Variants in PGR observed in about 807,000 individuals in gnomAD.
PGR encodes the protein progesterone receptor.
A neutral mutation model predicts 76.1 loss-of-function variants in PGR; 25 were observed. The ratio of observed to expected loss-of-function variants is 0.33; its 90% CI spans 0.24 to 0.46. The LOEUF is 0.46. Ranked by LOEUF, PGR falls within the 20% of genes least tolerant of loss-of-function variation. The pLI is 1.00. For missense variants in PGR, 1,172 were observed against 1,225.3 expected (o/e 0.96, Z 0.65); for synonymous variants, 579 against 535.0 (o/e 1.08, Z -1.14).
intron 2 of PGR, among the ~76,000 whole-genome samples, chr11:101,100,882 T>C (rs1396108026): frequency 2.6e-5 from 4 of 152,136 alleles, no homozygotes; most frequent in African/African-American, 7.2e-5. Flanking sequence ...AATAGGTCAA[T>C]AGTGTGAGGT....
In PGR at chr11:101,129,134, G is replaced by T; in HGVS notation, c.-64C>A. 7.2e-7 allele frequency: 1 copy of T among 1,391,608 alleles called. No homozygotes were observed. 86.2% of individuals were successfully genotyped at this position (1,391,608 alleles called of 1,614,324 possible). A position where few individuals can be genotyped will look rare whatever the true frequency, so the allele number is the denominator to read the frequency against. On this transcript the variant is annotated 5_prime_UTR_variant, in exon 1 of 8. Transcript: ENST00000325455. ...GAGGAGGGAAAAGGGAAGGAGGAGG[G>T]GGTTTCGGGAATATAGGGGCAGAGG... is the stretch of plus-strand genomic sequence containing the variant.
rs1860539154 is a variant in PGR, at chr11:101,062,526, G to A, written c.2133C>T (p.Ser711=). The change falls in exon 4 of 8, where the codon TCC becomes TCT. Residue 711 remains serine, a synonymous_variant. Transcript: ENST00000325455. ...GATTAAGACTTGTCAGCAAAGAACT[G>A]GAGGTGTCAGGTTTTGTGTTGTCAT... The part of the protein sequence containing the change: ...AGHDNTKPDT[S]SSLLTSLNQL... 1.2e-6 allele frequency: 2 copies of A among 1,613,826 alleles called. No homozygotes were observed. Among genetic ancestry groups the A allele is most frequent in the Non-Finnish European group, 1.7e-6 (2 of 1,179,894 alleles).
chr11:101,049,856 T>C (rs1221866375), intron 6 of PGR, 73 bp downstream of exon 6: 1 of 1,244,328 alleles, frequency 8.0e-7, no homozygotes, highest in African/African-American at 1.5e-5. Context: ...AACTATATAA[T>C]CATATTGTTT....
Position 101,128,977 on chromosome 11 carries a change from C to A in PGR, c.94G>T (p.Ala32Ser). 1 of 1,599,856 alleles carries A rather than the reference C, an allele frequency of 6.3e-7. No individual in the cohort carries two copies. Among genetic ancestry groups the A allele is most frequent in the Non-Finnish European group, 8.5e-7 (1 of 1,172,446 alleles). ...EVGSPLLCRP[A>S]AGPFPGSQTS... ...TGGCTCCCCGGGAACGGACCTGCGG[C>A]TGGGCGACACAGCAGTGGGGATCCG... The change falls in exon 1 of 8, where the codon GCC (alanine) becomes TCC (serine). Residue 32 changes from alanine to serine, a missense_variant. Transcript: ENST00000325455.
chr11:101,106,487 G>C (rs1001761821), intron 2 of PGR, among the ~76,000 whole-genome samples: 1 of 152,182 alleles, frequency 6.6e-6, no homozygotes, highest in African/African-American at 2.4e-5. Context: ...CTAGTCATTA[G>C]AGAAATGCAA....
At position 101,038,688 on chromosome 11, in the gene PGR, G is replaced by A; in HGVS notation, c.*428C>T. 4.3e-6 allele frequency: 1 copy of A among 232,322 alleles called. No individual in the cohort carries two copies. Among genetic ancestry groups the A allele is most frequent in the Non-Finnish European group, 8.5e-6 (1 of 117,720 alleles). 14.4% of individuals were successfully genotyped at this position (232,322 alleles called of 1,614,324 possible). ...ACAAAATTTTGCATACCATTTTAAA[G>A]GTTCATTTTTGGAAATATAATTGAC... On this transcript the variant is annotated 3_prime_UTR_variant, in exon 8 of 8. Coordinates refer to ENST00000325455, the MANE Select transcript of PGR (RefSeq NM_000926.4).
intron 3 of PGR, among the ~76,000 whole-genome samples, chr11:101,070,646 C>T (rs1353720023): frequency 1.3e-5 from 2 of 152,136 alleles, no homozygotes; most frequent in East Asian, 1.9e-4. Flanking sequence ...GTGGGAGGGG[C>T]GTCCACCATT....
intron 6 of PGR, among the ~76,000 whole-genome samples, chr11:101,046,132 T>C (rs1285822005): frequency 2.0e-5 from 3 of 150,720 alleles, no homozygotes; most frequent in African/African-American, 7.3e-5. Flanking sequence ...TTTATTTATT[T>C]ATTTTTATTT....
At chr11:101,068,228 TAGAC>T (rs1860793788) in intron 3 of PGR, among the ~76,000 whole-genome samples, 1 of 151,934 alleles carries the variant, frequency 6.6e-6, no homozygotes, top group African/African-American at 2.4e-5. Context: ...ACACCAATAA[TAGAC>T]AAACAGAGAG....
At chr11:101,118,965 T>C (rs566083581) in intron 2 of PGR, among the ~76,000 whole-genome samples, 384 of 152,312 alleles carry the variant, frequency 2.5e-3, no homozygotes, top group Non-Finnish European at 4.4e-3. Flanking sequence ...ACCAGTTTTG[T>C]GGAATACAAT....
chr11:101,042,478 T>TC (rs574603888), intron 6 of PGR, among the ~76,000 whole-genome samples: 61 of 152,274 alleles, frequency 4.0e-4, no homozygotes, highest in African/African-American at 1.4e-3. Flanking sequence ...ATCTTTTTTT[T>TC]CCCTTCTTTT....
At chr11:101,073,513 C>T (rs1172012352) in intron 3 of PGR, among the ~76,000 whole-genome samples, 1 of 150,390 alleles carries the variant, frequency 6.6e-6, no homozygotes, top group Non-Finnish European at 1.5e-5. Flanking sequence ...ACATGAAAAA[C>T]CCTTAAAAAA....
intron 2 of PGR, among the ~76,000 whole-genome samples, chr11:101,097,819 C>T (rs1373653098): frequency 6.8e-6 from 1 of 146,072 alleles, no homozygotes; most frequent in Non-Finnish European, 1.5e-5. Context: ...CTCCGTCGCT[C>T]AGGCTGGAGT....
At chr11:101,084,823 G>T (rs1861437054) in intron 3 of PGR, among the ~76,000 whole-genome samples, 1 of 152,178 alleles carries the variant, frequency 6.6e-6, no homozygotes, top group African/African-American at 2.4e-5. Flanking sequence ...AGCAGGGGTT[G>T]CTATTCTTAG....
Position 101,128,205 on chromosome 11 carries a change from A to T in PGR, c.866T>A (p.Met289Lys), listed in dbSNP as rs745733772. The T allele has an allele frequency of 5.0e-6, 8 of 1,598,350 alleles. No individual in the cohort carries two copies. The Admixed American group carries it at 1.3e-4, about 27-fold the overall frequency. ...RVALVEQDAP[M>K]APGRSPLATT... ...GGCCAGCGGGGAGCGCCCGGGCGCC[A>T]TCGGCGCGTCCTGCTCCACCAGGGC... Residue 289 changes from methionine to lysine, a missense_variant, in exon 1 of 8, where the codon ATG becomes AAG. By Grantham distance (95) the Met-to-Lys change is moderately conservative. Transcript: ENST00000325455.
At chr11:101,123,371 C>T (rs552236186) in intron 2 of PGR, among the ~76,000 whole-genome samples, 10 of 152,290 alleles carry the variant, frequency 6.6e-5, no homozygotes, top group South Asian at 4.1e-4. Context: ...CACCTTGAAC[C>T]AGCTCATCAC....
chr11:101,123,717 A>G (rs1410945370), intron 2 of PGR, among the ~76,000 whole-genome samples: 1 of 152,210 alleles, frequency 6.6e-6, no homozygotes, highest in Non-Finnish European at 1.5e-5. Flanking sequence ...TCAAGAATAT[A>G]CATATTTCAA....
Position 101,127,713 on chromosome 11 carries a change from G to A in PGR, c.1358C>T (p.Ser453Phe). Reference sequence around the variant, plus strand: ...GATGCACTCCAGGGTCGACCCCGAGGAGGACGCAGACGAGACTGAGGCACT... The same window carrying A: ...GATGCACTCCAGGGTCGACCCCGAGAAGGACGCAGACGAGACTGAGGCACT... ...PASASVSSAS[S>F]SGSTLECILY... Residue 453 changes from serine (S) to phenylalanine (F), a missense_variant, in exon 1 of 8, where the codon TCC (serine) becomes TTC (phenylalanine). Physicochemically the swap from Ser to Phe is radical, Grantham distance 155. Coordinates refer to ENST00000325455, the MANE Select transcript of PGR (RefSeq NM_000926.4). The A allele has an allele frequency of 6.3e-7, 1 of 1,585,170 alleles. No individual in the cohort carries two copies. The highest frequency in any genetic ancestry group is 8.5e-7 in the Non-Finnish European group (1 of 1,174,518).
intron 3 of PGR, among the ~76,000 whole-genome samples, chr11:101,072,558 T>C (rs1860976935): frequency 6.6e-6 from 1 of 152,144 alleles, no homozygotes; most frequent in Non-Finnish European, 1.5e-5. Context: ...TCAAGACCCA[T>C]TGGTGTGCTA....
Sources: allele counts gnomAD v4.1 joint callset (sites outside exome capture counted in the v4.1 genomes callset), GRCh38; gene constraint gnomAD v4.1.1; transcripts MANE v1.5; gene names NCBI Gene and HGNC (gene_info 2026-07-23, HGNC 2026-07-21).